The following RNF14 variants were observed in gnomAD, a reference collection of about 807,000 sequenced individuals.
The protein encoded by RNF14 is ring finger protein 14, also known as E3 ubiquitin-protein ligase RNF14.
Under a neutral mutation model 52.6 loss-of-function variants are expected in RNF14, and 26 were observed. The ratio of observed to expected loss-of-function variants is 0.49; its 90% confidence interval spans 0.36 to 0.69. The LOEUF (loss-of-function observed/expected upper bound fraction) is 0.69, where lower values mean the gene tolerates loss of function less well. Ranked by LOEUF, RNF14 falls within the 30% of genes least tolerant of loss-of-function variation. The pLI, the probability that RNF14 is intolerant of heterozygous loss-of-function variation, is 0.00. For synonymous variants in RNF14, 194 were observed against 202.0 expected, an observed-to-expected ratio of 0.96 and a Z score of 0.34; for missense variants, 404 against 560.4, an observed-to-expected ratio of 0.72 and a Z score of 2.82.
chr5:141,957,942 C>T, upstream of RNF14: 2 of 1,433,916 alleles, frequency 1.4e-6, no homozygotes, highest in Non-Finnish European at 1.9e-6. This position sits in a 1 kb window ranked among gnomAD's most constrained non-coding sequence, Gnocchi z 4.3. Flanking sequence ...GCTTGATCAG[C>T]CCCGTGCTCC....
At chr5:141,975,991 G>A (rs1293864742) in intron 4 of RNF14, among the ~76,000 whole-genome samples, 3 of 151,716 alleles carry the variant, frequency 2.0e-5, no homozygotes, top group African/African-American at 7.3e-5. Context: ...TAGCTCATTA[G>A]TTTTTCTCTT....
At chr5:141,954,998 G>A, upstream of RNF14, 1 of 1,613,450 alleles carries the variant, frequency 6.2e-7, no homozygotes, top group Non-Finnish European at 8.5e-7. Flanking sequence ...TCCACAGTGA[G>A]CTCCTCCACG....
intron 2 of RNF14, among the ~76,000 whole-genome samples, chr5:141,972,709 A>G (rs140290586): frequency 0.019 from 2,812 of 151,696 alleles, 45 homozygotes; most frequent in Middle Eastern, 0.12. Context: ...TCCTGCCTCA[A>G]CCTCCCGAGT....
chr5:141,965,107 T>G (rs2126942099), upstream of RNF14, among the ~76,000 whole-genome samples: 1 of 152,174 alleles, frequency 6.6e-6, no homozygotes, highest in East Asian at 1.9e-4. Context: ...TGGGCAGGGT[T>G]TTCCTCTCCA....
At chr5:141,960,108 G>T (rs759454696) in intron 1 of RNF14, among the ~76,000 whole-genome samples, 1 of 152,170 alleles carries the variant, frequency 6.6e-6, no homozygotes, top group African/African-American at 2.4e-5. Context: ...TGTGGGCAAG[G>T]TGCTGCCTAA....
At chr5:141,973,480 C>T (rs113539536) in intron 2 of RNF14, 103 bp from the exon 3 acceptor site, 32,834 of 862,078 alleles carry the variant, frequency 0.038, 729 homozygotes, top group Non-Finnish European at 0.046. Context: ...TCAGGTGATC[C>T]GCCCGCCTCG....
chr5:141,954,304 G>T (rs2126925752), upstream of RNF14, among the ~76,000 whole-genome samples: 1 of 152,322 alleles, frequency 6.6e-6, no homozygotes, highest in South Asian at 2.1e-4. Context: ...ACCTGGGTTT[G>T]GGTGCAATGA....
upstream of RNF14, chr5:141,955,802 G>A (rs762460872): frequency 5.0e-6 from 8 of 1,613,742 alleles, no homozygotes; most frequent in Non-Finnish European, 6.8e-6. The surrounding 1 kb of genome is among the most constrained non-coding windows in gnomAD (Gnocchi z 5.5). Context: ...GTCTGTAAGG[G>A]GGGGCTTCCC....
At chr5:141,980,684 A>G (rs1754685515) in intron 6 of RNF14, among the ~76,000 whole-genome samples, 1 of 64,992 alleles carries the variant, frequency 1.5e-5, no homozygotes, top group Non-Finnish European at 3.4e-5. Context: ...AGTTAGGGAA[A>G]ACAGGGGAGG....
chr5:141,975,943 A>C (rs537988989), intron 4 of RNF14, among the ~76,000 whole-genome samples: 1 of 151,974 alleles, frequency 6.6e-6, no homozygotes, highest in South Asian at 2.1e-4. Context: ...AAAAAAAAGA[A>C]AAAGACAAAA....
chr5:141,971,227 T>C (rs528662309), intron 2 of RNF14, among the ~76,000 whole-genome samples: 2 of 152,344 alleles, frequency 1.3e-5, no homozygotes, highest in South Asian at 4.1e-4. Context: ...GTTGATGCTA[T>C]TTTAAAAAAC....
chr5:141,956,601 T>A, upstream of RNF14: 1 of 1,614,192 alleles, frequency 6.2e-7, no homozygotes, highest in East Asian at 2.2e-5. Flanking sequence ...CTCTGTCCAG[T>A]GTGGCATTGG....
At chr5:141,955,757 C>T, upstream of RNF14, 1 of 1,614,064 alleles carries the variant, frequency 6.2e-7, no homozygotes. The surrounding 1 kb of genome is among the most constrained non-coding windows in gnomAD (Gnocchi z 5.5). Context: ...AGGTGGTCCA[C>T]ACTGGTGACA....
chr5:141,951,384 G>A, the RNF14 span: 1 of 803,322 alleles, frequency 1.2e-6, no homozygotes, highest in African/African-American at 1.7e-5. Flanking sequence ...ACCCTCCCAG[G>A]GGACCGGTGT....
chr5:141,983,579 G>A (rs772233498), intron 7 of RNF14, 27 bp downstream of exon 7: 3 of 1,584,342 alleles, frequency 1.9e-6, no homozygotes, highest in Admixed American at 1.9e-5. Flanking sequence ...AGACTTGGAG[G>A]CCATCAGACT....
chr5:141,955,972 T>G, upstream of RNF14: 1 of 1,614,150 alleles, frequency 6.2e-7, no homozygotes, highest in Non-Finnish European at 8.5e-7. The surrounding 1 kb of genome is among the most constrained non-coding windows in gnomAD (Gnocchi z 5.5). Flanking sequence ...TGCCCCCGAG[T>G]CTGCATCTCT....
the RNF14 span, chr5:141,949,601 C>G: frequency 1.2e-6 from 2 of 1,611,944 alleles, no homozygotes; most frequent in Non-Finnish European, 1.7e-6. Context: ...AGAAACCAAC[C>G]AGTCCATGGG....
In RNF14 at chr5:141,987,634, A is replaced by C. The variant is rs1168693646; in HGVS notation, c.1368-99A>C. 2.6e-6 allele frequency: 3 copies of C among 1,147,674 alleles called. No homozygotes were observed. In the East Asian group the frequency reaches 7.1e-5, roughly 27 times the overall value. 71.1% of individuals were successfully genotyped at this position (1,147,674 alleles called of 1,614,324 possible). On this transcript the variant is annotated intron_variant, in intron 8 of 8. Transcript: ENST00000394520. ...GATTAAAGGAGAAGAAAAGATGTAC[A>C]AAGATGTTATAAGAGTACAAAAAAT...
intron 3 of RNF14, among the ~76,000 whole-genome samples, chr5:141,974,516 G>A (rs1754074203): frequency 6.6e-6 from 1 of 152,212 alleles, no homozygotes. Flanking sequence ...AACAAACATT[G>A]TGTGTTCCTT....
Sources: gnomAD v4.1 joint callset for allele counts (sites outside exome capture counted in the v4.1 genomes callset) on GRCh38, gnomAD v4.1.1 for gene constraint, Gnocchi (gnomAD v3.1) non-coding constraint, MANE v1.5 for transcripts, NCBI Gene and HGNC (gene_info 2026-07-23, HGNC 2026-07-21) for gene names.